The following NANS variants were observed in gnomAD, a reference collection of about 807,000 sequenced individuals.
The protein encoded by NANS is N-acetylneuraminate synthase.
A neutral mutation model predicts 33.3 loss-of-function variants in NANS; 29 were observed. The observed-to-expected ratio is 0.87, with a 90% CI of 0.65 to 1.19. The LOEUF is 1.19. Among genes scored for constraint, NANS ranks in the 50% most tolerant of loss-of-function variants. NANS has a pLI of 0.00. For missense variants in NANS, 394 were observed against 461.1 expected, an observed-to-expected ratio of 0.85 and a Z score of 1.33; for synonymous variants, 163 against 177.2, an observed-to-expected ratio of 0.92 and a Z score of 0.64.
At position 98,060,815 on chromosome 9, in the gene NANS, AGT is replaced by A; in HGVS notation, c.168_169del (p.Ser56ArgfsTer7). 1 of 1,614,172 alleles carries A rather than the reference AGT, an allele frequency of 6.2e-7. No homozygotes were observed. The highest frequency in any genetic ancestry group is 8.5e-7 in the Non-Finnish European group (1 of 1,180,030). ...GGCTGATTGTGCTAAGTTCCAGAAG[AGT>A]GAGCTAGAATTCAAGTTTAATCGGA... The part of the protein sequence containing the change: ...CGADCAKFQK[S>X]ELEFKFNRKA... On this transcript the variant is annotated frameshift_variant, in exon 2 of 6. Transcript: ENST00000210444. LOFTEE classifies it high-confidence loss of function.
intron 2 of NANS, among the ~76,000 whole-genome samples, chr9:98,066,561 G>C (rs960443707): frequency 6.6e-6 from 1 of 151,926 alleles, no homozygotes; most frequent in African/African-American, 2.4e-5. Context: ...ATTACCGTTA[G>C]AACATTTTTT....
chr9:98,081,897 AG>A (rs1424779141), intron 5 of NANS: 1 of 152,256 alleles, frequency 6.6e-6, no homozygotes, highest in African/African-American at 2.4e-5. Context: ...GTTTCTTTAT[AG>A]AGGAAACAGG....
intron 2 of NANS, among the ~76,000 whole-genome samples, chr9:98,063,022 C>T (rs1337422217): frequency 2.7e-5 from 4 of 150,592 alleles, no homozygotes; most frequent in African/African-American, 7.3e-5. Flanking sequence ...CTGCAACCCC[C>T]GCCTCCCAGG....
At chr9:98,080,731 G>C in intron 4 of NANS, 85 bp from the exon 5 acceptor site, 1 of 1,457,554 alleles carries the variant, frequency 6.9e-7, no homozygotes, top group South Asian at 1.4e-5. Context: ...TGGCTAAACC[G>C]GGGCTCAACC....
In NANS at chr9:98,060,903, A is replaced by G. The variant is rs767075568; in HGVS notation, c.254A>G (p.Lys85Arg). The change falls in exon 2 of 6, where the codon AAA becomes AGA. Residue 85 changes from lysine (K) to arginine (R), a missense_variant. Physicochemically the swap from Lys to Arg is conservative, Grantham distance 26 (BLOSUM62 2). Coordinates refer to ENST00000210444, the MANE Select transcript of NANS (RefSeq NM_018946.4). Reference protein sequence around the residue: ...HSWGKTYGEHKRHLEFSHDQY... With the variant: ...HSWGKTYGEHRRHLEFSHDQY... ...TGGGGGAAGACGTACGGGGAGCACA[A>G]ACGACATCTGGAGTTCAGCCATGAC... 6 of 1,614,074 alleles carry G rather than the reference A, an allele frequency of 3.7e-6. No homozygotes were observed. Among genetic ancestry groups the G allele is most frequent in the Non-Finnish European group, 5.1e-6 (6 of 1,180,060 alleles).
At chr9:98,075,390 G>C (rs548392827) in intron 2 of NANS, 1 of 150,934 alleles carries the variant, frequency 6.6e-6, no homozygotes, top group Admixed American at 6.6e-5. Flanking sequence ...GGAAGGAAAC[G>C]GTGGGAGGGA....
At chr9:98,067,725 C>G (rs753768912) in intron 2 of NANS, among the ~76,000 whole-genome samples, 18 of 148,106 alleles carry the variant, frequency 1.2e-4, no homozygotes, top group Non-Finnish European at 2.2e-4. Flanking sequence ...TTTTCACTTT[C>G]TTTTTTTTTT....
At chr9:98,058,040 A>T (rs1402418679) in intron 1 of NANS, among the ~76,000 whole-genome samples, 4 of 144,446 alleles carry the variant, frequency 2.8e-5, no homozygotes, top group Non-Finnish European at 6.0e-5. Flanking sequence ...CTCCCACCTC[A>T]GCCTCCCGAG....
At chr9:98,082,026 G>C (rs926039375) in intron 5 of NANS, 2 of 152,018 alleles carry the variant, frequency 1.3e-5, no homozygotes, top group African/African-American at 4.8e-5. Flanking sequence ...TTTTTTCCTG[G>C]CACCACATTC....
At chr9:98,079,021 ATTTTCT>A in intron 4 of NANS, among the ~76,000 whole-genome samples, 1 of 151,688 alleles carries the variant, frequency 6.6e-6, no homozygotes, top group South Asian at 2.1e-4. Context: ...TGACTCTCTT[ATTTTCT>A]AATGCTGAGC....
rs202155685 is a variant in NANS at position 98,078,320 on chromosome 9, T to C, written c.576T>C (p.Pro192=). The change falls in exon 4 of 6, where the codon CCT becomes CCC. Residue 192 remains proline (P), a synonymous_variant. Coordinates refer to ENST00000210444, the MANE Select transcript of NANS (RefSeq NM_018946.4). ...GTACCAGCGCATACCCGCTCCAGCC[T>C]GAGGACGTCAACCTGCGGGTCATCT... ...LQCTSAYPLQ[P]EDVNLRVISE... The C allele has an allele frequency of 9.3e-6, 15 of 1,613,720 alleles. No individual in the cohort carries two copies. Among genetic ancestry groups the C allele is most frequent in the African/African-American group, 5.3e-5 (4 of 74,928 alleles).
At chr9:98,065,427 C>T (rs1829112892) in intron 2 of NANS, among the ~76,000 whole-genome samples, 1 of 147,734 alleles carries the variant, frequency 6.8e-6, no homozygotes, top group Admixed American at 6.8e-5. Flanking sequence ...AGCAATTCTC[C>T]TGCCTCAGCC....
intron 2 of NANS, among the ~76,000 whole-genome samples, chr9:98,073,754 G>A (rs1031335047): frequency 2.4e-4 from 36 of 151,930 alleles, no homozygotes; most frequent in African/African-American, 8.0e-4. Flanking sequence ...CTGTGGGCAC[G>A]TGTTGTCCAC....
chr9:98,078,675 A>C (rs1240353943), intron 4 of NANS, among the ~76,000 whole-genome samples: 1 of 151,854 alleles, frequency 6.6e-6, no homozygotes, highest in African/African-American at 2.4e-5. Context: ...TTCTTATTAA[A>C]AATATAAAAA....
At chr9:98,068,622 T>G (rs1829219418) in intron 2 of NANS, among the ~76,000 whole-genome samples, 1 of 147,952 alleles carries the variant, frequency 6.8e-6, no homozygotes, top group South Asian at 2.2e-4. Context: ...AAGACCAGCC[T>G]GGGCAACAAT....
chr9:98,057,601 G>A (rs1344919427), intron 1 of NANS, among the ~76,000 whole-genome samples: 1 of 152,146 alleles, frequency 6.6e-6, no homozygotes, highest in African/African-American at 2.4e-5. Context: ...GATCAAATGA[G>A]ATTCTCAGAT....
At chr9:98,082,015 A>AT (rs1206898792) in intron 5 of NANS, 4 of 152,086 alleles carry the variant, frequency 2.6e-5, no homozygotes, top group Non-Finnish European at 4.4e-5. Flanking sequence ...ATCACTTGAC[A>AT]TTTTTTCCTG....
In NANS at chr9:98,078,211, C is replaced by G. The variant is rs2050473220; in HGVS notation, c.467C>G (p.Ser156Cys). 6.2e-7 allele frequency: 1 copy of G among 1,614,032 alleles called. No homozygotes were observed. Among genetic ancestry groups the G allele is most frequent in the African/African-American group, 1.3e-5 (1 of 74,912 alleles). Residue 156 changes from serine (S) to cysteine (C), a missense_variant, in exon 4 of 6, where the codon TCC becomes TGC. Coordinates refer to ENST00000210444, the MANE Select transcript of NANS (RefSeq NM_018946.4). The part of the protein sequence containing the change: ...TAKKGRPMVI[S>C]SGMQSMDTMK... ...TACTCAGGTCGCCCAATGGTGATCTCCAGTGGGATGCAGTCAATGGACACC... is the reference window on the plus strand; with the variant it reads ...TACTCAGGTCGCCCAATGGTGATCTGCAGTGGGATGCAGTCAATGGACACC...
At chr9:98,075,340 C>CAG (rs3983618) in intron 2 of NANS, 90,280 of 148,618 alleles carry the variant, frequency 0.61, 29,965 homozygotes, top group African/African-American at 0.88. Flanking sequence ...AAAAATAAAG[C>CAG]AGAGGAAGAG....
Sources: allele counts gnomAD v4.1 joint callset (sites outside exome capture counted in the v4.1 genomes callset), GRCh38; gene constraint gnomAD v4.1.1; transcripts MANE v1.5; gene names NCBI Gene and HGNC (gene_info 2026-07-23, HGNC 2026-07-21).